Variants in EBF3 observed in about 807,000 individuals in gnomAD.
EBF3 encodes the protein transcription factor COE3.
In EBF3, 18 loss-of-function variants were observed where a neutral mutation model predicts 77.1. That is an observed-to-expected ratio of 0.23 (90% CI 0.16 to 0.35). The LOEUF (loss-of-function observed/expected upper bound fraction) is 0.35, where lower values mean the gene tolerates loss of function less well. EBF3 is among the 10% of genes least tolerant of loss of function. The pLI is 1.00. For missense variants in EBF3, 558 were observed against 860.0 expected (o/e 0.65, Z 4.39); for synonymous variants, 350 against 343.5 (o/e 1.02, Z -0.21).
chr10:129,836,970 C>A lies in EBF3; in HGVS notation c.*973G>T, dbSNP rs1181911403. 6.6e-6 allele frequency: 1 copy of A among 152,514 alleles called. No individual in the cohort carries two copies. The highest frequency in any genetic ancestry group is 6.6e-5 in the Admixed American group (1 of 15,266). 9.4% of individuals were successfully genotyped at this position (152,514 alleles called of 1,614,324 possible). ...GTTTTTCTAAATATTTTAAGTGGAT[C>A]TGAAAAAAATTCAAGACAAGTGTAT... On this transcript the variant is annotated 3_prime_UTR_variant, in exon 17 of 17. Coordinates refer to ENST00000440978, the MANE Select transcript of EBF3 (RefSeq NM_001375380.1).
In EBF3 at chr10:129,963,246, G is replaced by T; in HGVS notation, c.291+121C>A. ...TCCCGGGCGGCCGCACGTGGCGGCGGCGGGGTGGCCTGGCGGAGCCGAGCC... is the reference window on the plus strand; with the variant it reads ...TCCCGGGCGGCCGCACGTGGCGGCGTCGGGGTGGCCTGGCGGAGCCGAGCC... On this transcript the variant is annotated intron_variant, in intron 2 of 16. Coordinates refer to ENST00000440978, the MANE Select transcript of EBF3 (RefSeq NM_001375380.1). This position sits in a 1 kb window ranked among gnomAD's most constrained non-coding sequence, Gnocchi z 7.1. 1.4e-6 allele frequency: 2 copies of T among 1,385,746 alleles called. No individual in the cohort carries two copies. The highest frequency in any genetic ancestry group is 1.9e-6 in the Non-Finnish European group (2 of 1,057,066). The allele number at this position is 1,385,746 out of a possible 1,614,324, so 85.8% of individuals were successfully genotyped here. A position where few individuals can be genotyped will look rare whatever the true frequency, so the allele number is the denominator to read the frequency against.
At position 129,841,777 on chromosome 10, in the gene EBF3, C is replaced by A. The variant is rs1271252665; in HGVS notation, c.1372+339G>T. Among the ~76,000 whole-genome samples the A allele has an allele frequency of 6.6e-6, 1 of 152,134 alleles. No homozygotes were observed. The highest frequency in any genetic ancestry group is 1.9e-4 in the East Asian group (1 of 5,182). On this transcript the variant is annotated intron_variant, in intron 13 of 16. Coordinates refer to ENST00000440978, the MANE Select transcript of EBF3 (RefSeq NM_001375380.1). This position sits in a 1 kb window ranked among gnomAD's most constrained non-coding sequence, Gnocchi z 4.6. ...GTCCAAGCAGGCTCCCCTCAGCTCC[C>A]TAGGCCATGGCTATCCTATGGCTTA... is the stretch of plus-strand genomic sequence containing the variant.
chr10:129,859,378 C>T (rs1409808712), intron 10 of EBF3, among the ~76,000 whole-genome samples: 1 of 152,238 alleles, frequency 6.6e-6, no homozygotes, highest in Admixed American at 6.5e-5. Context: ...TGCGCCACCA[C>T]ACCTGGCTAA....
At chr10:129,904,367 T>C (rs1854985688) in intron 6 of EBF3, among the ~76,000 whole-genome samples, 1 of 152,190 alleles carries the variant, frequency 6.6e-6, no homozygotes, top group African/African-American at 2.4e-5. Flanking sequence ...CTGCCAAACA[T>C]ATTAAGGGAT....
rs535463865 is a variant in EBF3 at position 129,920,588 on chromosome 10, C to G, written c.554+36670G>C. On this transcript the variant is annotated intron_variant, in intron 6 of 16. Coordinates refer to ENST00000440978, the MANE Select transcript of EBF3 (RefSeq NM_001375380.1). ...AGAATTTCAACCAGCCTTTCTGGAA[C>G]CTGACTCATTTTATAGAAGAAAAAG... Among the ~76,000 whole-genome samples the G allele has an allele frequency of 5.3e-5, 8 of 152,326 alleles. No individual in the cohort carries two copies. The South Asian group carries it at 1.7e-3, about 32-fold the overall frequency.
At chr10:129,878,839 A>AAAAAAAAAAAAAAAAAAAG (rs1564849972) in intron 6 of EBF3, among the ~76,000 whole-genome samples, 1 of 146,934 alleles carries the variant, frequency 6.8e-6, no homozygotes, top group Non-Finnish European at 1.5e-5. Flanking sequence ...AAAAAAAAAA[A>AAAAAAAAAAAAAAAAAAAG]AAAAAAATCT....
In EBF3 at chr10:129,867,765, C is replaced by A; in HGVS notation, c.912+17G>T. On this transcript the variant is annotated intron_variant, in intron 9 of 16. Coordinates refer to ENST00000440978, the MANE Select transcript of EBF3 (RefSeq NM_001375380.1). ...AAGACAGCAACAGCGCGAAGCTGAC[C>A]GAGTCCGCGGGCTTACCTCGCTCCA... 1 of 1,597,696 alleles carries A rather than the reference C, an allele frequency of 6.3e-7. No homozygotes were observed.
Position 129,838,465 on chromosome 10 carries a change from C to T in EBF3, c.1873-505G>A, listed in dbSNP as rs191095796. Among the ~76,000 whole-genome samples, 73 of 152,310 alleles carry T rather than the reference C, an allele frequency of 4.8e-4. 1 individual carries two copies. Among genetic ancestry groups the T allele is most frequent in the Admixed American group, 4.7e-3 (72 of 15,310 alleles). The stretch of plus-strand genomic sequence containing the variant: ...CTTCCAGGTCTGGGCTCTGACCGTG[C>T]GGTCATCTCTCTGTATCGTAATGGT... On this transcript the variant is annotated intron_variant, in intron 16 of 16. Transcript: ENST00000440978.
chr10:129,925,149 A>T (rs1349024793), intron 6 of EBF3, among the ~76,000 whole-genome samples: 2 of 152,008 alleles, frequency 1.3e-5, no homozygotes, highest in African/African-American at 4.8e-5. Flanking sequence ...TTTGCCATTG[A>T]AAGTAATGGG....
intron 6 of EBF3, among the ~76,000 whole-genome samples, chr10:129,883,528 C>T (rs936647970): frequency 6.6e-6 from 1 of 151,504 alleles, no homozygotes; most frequent in South Asian, 2.1e-4. Context: ...AGTGGATGGG[C>T]CTGCAGGCCA....
At chr10:129,857,382 C>T (rs1851324826) in intron 10 of EBF3, among the ~76,000 whole-genome samples, 1 of 152,136 alleles carries the variant, frequency 6.6e-6, no homozygotes, top group African/African-American at 2.4e-5. Flanking sequence ...GCCCCCAACC[C>T]AGCCCTGGGC....
At chr10:129,909,661 C>G (rs1336787268) in intron 6 of EBF3, among the ~76,000 whole-genome samples, 1 of 152,200 alleles carries the variant, frequency 6.6e-6, no homozygotes, top group Non-Finnish European at 1.5e-5. Context: ...AGGCTGGTGT[C>G]CGGGCAGCAC....
At chr10:129,922,769 G>A (rs1007328463) in intron 6 of EBF3, among the ~76,000 whole-genome samples, 1 of 152,218 alleles carries the variant, frequency 6.6e-6, no homozygotes, top group South Asian at 2.1e-4. Context: ...GCTGGGGGCT[G>A]ACGGGACCAC....
In EBF3 at chr10:129,839,118, A is replaced by G; in HGVS notation, c.1837T>C (p.Phe613Leu). The change falls in exon 16 of 17, where the codon TTT becomes CTT. Residue 613 changes from phenylalanine (F) to leucine (L), a missense_variant. Phe to Leu is a conservative substitution (Grantham distance 22, BLOSUM62 0). This residue lies in a region of EBF3 where 284 missense variants were observed against 368.3 expected (regional missense o/e 0.77). Transcript: ENST00000440978. ...CCTTTTTTGAGCATTAGTTCATCAAAGTGAAATATGCCACCGACTTCACAA... is the reference window on the plus strand; with the variant it reads ...CCTTTTTTGAGCATTAGTTCATCAAGGTGAAATATGCCACCGACTTCACAA... ...PFCEVGGIFH[F>L]DELMLKKGTG... 7.7e-7 allele frequency: 1 copy of G among 1,304,502 alleles called. No homozygotes were observed. The highest frequency in any genetic ancestry group is 1.0e-6 in the Non-Finnish European group (1 of 989,008). 80.8% of individuals were successfully genotyped at this position (1,304,502 alleles called of 1,614,324 possible).
intron 6 of EBF3, among the ~76,000 whole-genome samples, chr10:129,878,178 C>T (rs1852928482): frequency 6.6e-6 from 1 of 152,186 alleles, no homozygotes; most frequent in Non-Finnish European, 1.5e-5. Flanking sequence ...TCAGCCCAGA[C>T]AGGCCTACCA....
chr10:129,886,715 T>C (rs900924309), intron 6 of EBF3, among the ~76,000 whole-genome samples: 1 of 152,116 alleles, frequency 6.6e-6, no homozygotes, highest in Non-Finnish European at 1.5e-5. Flanking sequence ...GCTCCCGACA[T>C]TCAGAGCTGA....
At position 129,943,089 on chromosome 10, in the gene EBF3, G is replaced by T. The variant is rs1052433715; in HGVS notation, c.554+14169C>A. Among the ~76,000 whole-genome samples the T allele has an allele frequency of 6.6e-6, 1 of 152,192 alleles. No homozygotes were observed. ...TTCTAAACCACTTTGCCTGCACGAT[G>T]GGAATGACTGGATCACTCCACCGGC... On this transcript the variant is annotated intron_variant, in intron 6 of 16. Transcript: ENST00000440978. The surrounding 1 kb of genome is among the most constrained non-coding windows in gnomAD (Gnocchi z 8.8).
chr10:129,887,722 G>A (rs1429580543), intron 6 of EBF3, among the ~76,000 whole-genome samples: 1 of 152,136 alleles, frequency 6.6e-6, no homozygotes, highest in Non-Finnish European at 1.5e-5. Context: ...AATATTTTAT[G>A]AGGACTAAAA....
rs541926599 is a variant in EBF3, at chr10:129,897,088, G to C, written c.555-19239C>G. Among the ~76,000 whole-genome samples the C allele has an allele frequency of 1.2e-3, 179 of 152,316 alleles. 2 individuals carry two copies. Among genetic ancestry groups the C allele is most frequent in the Non-Finnish European group, 5.9e-4 (40 of 68,034 alleles). On this transcript the variant is annotated intron_variant, in intron 6 of 16. Transcript: ENST00000440978. This position sits in a 1 kb window ranked among gnomAD's most constrained non-coding sequence, Gnocchi z 4.6. ...ACTGCAGGCAACCTGAGCAGAGATG[G>C]GCCTAGACGGGCAGTTGGAGCTGGG...
Sources: gnomAD v4.1 joint callset for allele counts (sites outside exome capture counted in the v4.1 genomes callset) on GRCh38, gnomAD v4.1.1 for gene constraint, gnomAD v4.1.1 regional missense constraint, Gnocchi (gnomAD v3.1) non-coding constraint, MANE v1.5 for transcripts, NCBI Gene and HGNC (gene_info 2026-07-23, HGNC 2026-07-21) for gene names.